PRKG1: variants seen among roughly 807,000 people sequenced by gnomAD.
The protein encoded by PRKG1 is protein kinase cGMP-dependent 1.
PRKG1 carries 35 observed loss-of-function variants against 88.1 expected under a neutral mutation model. The ratio of observed to expected loss-of-function variants is 0.40; its 90% CI spans 0.30 to 0.53. The LOEUF (loss-of-function observed/expected upper bound fraction) is 0.53, where lower values mean the gene tolerates loss of function less well. Among genes scored for constraint, PRKG1 ranks in the 20% least tolerant of loss-of-function variants. The probability of loss-of-function intolerance (pLI) is 0.59; values close to 1 mark genes in which losing one functional copy is unlikely to be tolerated. For missense variants in PRKG1, 540 were observed against 839.8 expected, an observed-to-expected ratio of 0.64 and a Z score of 4.41; for synonymous variants, 303 against 292.5, an observed-to-expected ratio of 1.04 and a Z score of -0.37.
intron 2 of PRKG1, among the ~76,000 whole-genome samples, chr10:51,408,533 T>C (rs2132681984): frequency 6.6e-6 from 1 of 152,298 alleles, no homozygotes; most frequent in East Asian, 1.9e-4. Flanking sequence ...CCTCTGCCCT[T>C]TCCTTGATGG....
chr10:51,827,428 G>A (rs1044937111), intron 4 of PRKG1, among the ~76,000 whole-genome samples: 1 of 152,000 alleles, frequency 6.6e-6, no homozygotes, highest in Non-Finnish European at 1.5e-5. Context: ...ACACTGAAAT[G>A]GTTCTATGAA....
At chr10:51,001,817 T>A (rs1184207651) in intron 1 of PRKG1, among the ~76,000 whole-genome samples, 2 of 152,188 alleles carry the variant, frequency 1.3e-5, no homozygotes, top group Non-Finnish European at 2.9e-5. Flanking sequence ...AGCAGAAGTA[T>A]AATATTTAAC....
intron 2 of PRKG1, among the ~76,000 whole-genome samples, chr10:51,370,484 AAG>A (rs897758498): frequency 2.1e-5 from 3 of 141,906 alleles, no homozygotes; most frequent in Non-Finnish European, 3.1e-5. Flanking sequence ...AAGAGACAGA[AAG>A]AGAGAGAGAG....
chr10:51,726,203 C>A (rs1564622682), intron 3 of PRKG1, among the ~76,000 whole-genome samples: 1 of 152,114 alleles, frequency 6.6e-6, no homozygotes, highest in Non-Finnish European at 1.5e-5. Context: ...TTTAAATCAT[C>A]AGCATTATCC....
intron 2 of PRKG1, among the ~76,000 whole-genome samples, chr10:51,336,946 T>C (rs1203902051): frequency 6.6e-6 from 1 of 152,196 alleles, no homozygotes; most frequent in Admixed American, 6.5e-5. Context: ...AGAGCTCGTA[T>C]AGCCAAGACA....
chr10:51,377,510 G>T (rs1480319339), intron 2 of PRKG1, among the ~76,000 whole-genome samples: 2 of 152,144 alleles, frequency 1.3e-5, no homozygotes. Context: ...GGCTCTGCTA[G>T]CACTGCTGAA....
intron 2 of PRKG1, among the ~76,000 whole-genome samples, chr10:51,436,175 G>GTT (rs60182756): frequency 1.7e-4 from 23 of 132,876 alleles, no homozygotes; most frequent in Middle Eastern, 3.7e-3. Flanking sequence ...TCTGTAAGTT[G>GTT]TTTTTTTTTT....
At position 51,704,135 on chromosome 10, in the gene PRKG1, C is replaced by T. The variant is rs1302368625; in HGVS notation, c.593-100450C>T. 4.8e-4 allele frequency among the ~76,000 whole-genome samples: 60 copies of T among 124,162 alleles called. 1 individual carries two copies. The Admixed American group carries it at 5.0e-3, about 10-fold the overall frequency. 81.5% of individuals were successfully genotyped at this position (124,162 alleles called of 152,430 possible). ...CTCCAGCCTGGGCAACAGAGTGAAA[C>T]TGTCTCAAAAAAAAAAAAAAAAATT... On this transcript the variant is annotated intron_variant, in intron 3 of 17. Coordinates refer to ENST00000373980, the MANE Select transcript of PRKG1 (RefSeq NM_006258.4).
At chr10:51,067,717 CA>C (rs890050700) in intron 1 of PRKG1, among the ~76,000 whole-genome samples, 1 of 152,006 alleles carries the variant, frequency 6.6e-6, no homozygotes, top group Non-Finnish European at 1.5e-5. Flanking sequence ...TGACTCTAGA[CA>C]GACACTATTT....
At position 51,662,493 on chromosome 10, in the gene PRKG1, C is replaced by T. The variant is rs542598557; in HGVS notation, c.593-142092C>T. Among the ~76,000 whole-genome samples the T allele has an allele frequency of 9.9e-5, 15 of 152,162 alleles. No homozygotes were observed. In the South Asian group the frequency reaches 3.1e-3, roughly 32 times the overall value. On this transcript the variant is annotated intron_variant, in intron 3 of 17. Transcript: ENST00000373980. ...GTCTGACAAAACATATGGTATAAGA[C>T]TTAGAATTGTGGTTCAAGACTCTAG... is the stretch of plus-strand genomic sequence containing the variant.
chr10:52,165,329 C>A (rs1167799936), intron 9 of PRKG1, among the ~76,000 whole-genome samples: 1 of 152,164 alleles, frequency 6.6e-6, no homozygotes, highest in East Asian at 1.9e-4. Flanking sequence ...GTTGAACTAT[C>A]AAGTTTAAAA....
At chr10:51,762,002 G>A (rs568415746) in intron 3 of PRKG1, among the ~76,000 whole-genome samples, 2 of 151,234 alleles carry the variant, frequency 1.3e-5, no homozygotes, top group African/African-American at 4.9e-5. Flanking sequence ...CCCCCAAATA[G>A]TATTAAACTT....
intron 4 of PRKG1, among the ~76,000 whole-genome samples, chr10:51,898,161 C>A (rs1482482325): frequency 6.6e-6 from 1 of 152,102 alleles, no homozygotes; most frequent in Non-Finnish European, 1.5e-5. Context: ...AGTTATCTAT[C>A]TCCCTCACCT....
intron 2 of PRKG1, among the ~76,000 whole-genome samples, chr10:51,301,684 G>T (rs1264259233): frequency 1.3e-5 from 2 of 152,200 alleles, no homozygotes; most frequent in Non-Finnish European, 2.9e-5. Flanking sequence ...AGCCAAGCTG[G>T]CCCAGTCAGT....
Position 51,646,142 on chromosome 10 carries a change from A to T in PRKG1, c.593-158443A>T, listed in dbSNP as rs74475722. Among the ~76,000 whole-genome samples the T allele has an allele frequency of 5.3e-3, 800 of 152,260 alleles. 39 individuals carry two copies. In the East Asian group the frequency reaches 0.11, roughly 21 times the overall value. On this transcript the variant is annotated intron_variant, in intron 3 of 17. Transcript: ENST00000373980. ...AAAATGAGGCAGATCTATGCTATGG[A>T]AATCTCCAAAGTTTAGTACAGTTTG...
chr10:51,175,168 C>T (rs1471484038), intron 2 of PRKG1, among the ~76,000 whole-genome samples: 1 of 102,416 alleles, frequency 9.8e-6, no homozygotes, highest in East Asian at 2.8e-4. Flanking sequence ...AATTACTAAG[C>T]TGTAGTCAGT....
chr10:51,987,669 CTTTAA>C (rs1844198020), intron 5 of PRKG1, among the ~76,000 whole-genome samples: 1 of 151,944 alleles, frequency 6.6e-6, no homozygotes, highest in Non-Finnish European at 1.5e-5. Flanking sequence ...AAGGCTATTT[CTTTAA>C]TTTTAGTTCA....
At chr10:51,116,012 C>A (rs1163274503) in intron 1 of PRKG1, among the ~76,000 whole-genome samples, 1 of 152,082 alleles carries the variant, frequency 6.6e-6, no homozygotes, top group Admixed American at 6.5e-5. Flanking sequence ...GAGAGAGCTT[C>A]ACTGTAGGGA....
At chr10:51,495,131 G>A (rs1309335141) in intron 3 of PRKG1, among the ~76,000 whole-genome samples, 2 of 151,950 alleles carry the variant, frequency 1.3e-5, no homozygotes, top group African/African-American at 4.8e-5. Context: ...GTCTCGCTCT[G>A]TCACCCAGGC....
Sources: gnomAD v4.1 joint callset for allele counts (sites outside exome capture counted in the v4.1 genomes callset) on GRCh38, gnomAD v4.1.1 for gene constraint, MANE v1.5 for transcripts, NCBI Gene and HGNC (gene_info 2026-07-23, HGNC 2026-07-21) for gene names.